Variants in OSBPL9 observed in about 807,000 individuals in gnomAD.
The protein encoded by OSBPL9 is oxysterol binding protein like 9.
OSBPL9 carries 40 observed loss-of-function variants against 106.6 expected under a neutral mutation model. The ratio of observed to expected loss-of-function variants is 0.38; its 90% CI spans 0.29 to 0.49. The LOEUF (loss-of-function observed/expected upper bound fraction) is 0.49, where lower values mean the gene tolerates loss of function less well. OSBPL9 is among the 20% of genes least tolerant of loss of function. OSBPL9 has a pLI of 0.97. For missense variants in OSBPL9, 609 were observed against 887.2 expected (o/e 0.69, Z 3.98); for synonymous variants, 269 against 295.4 (o/e 0.91, Z 0.92).
chr1:51,541,739 A>G, the OSBPL9 span, among the ~76,000 whole-genome samples: 1 of 152,198 alleles, frequency 6.6e-6, no homozygotes, highest in Non-Finnish European at 1.5e-5. Context: ...AGCAGAAGCA[A>G]CAAATAGTTA....
chr1:51,583,047 C>G (rs1330842555), intron 1 of OSBPL9: 1 of 151,832 alleles, frequency 6.6e-6, no homozygotes, highest in African/African-American at 2.4e-5. Flanking sequence ...TGAGATCGCA[C>G]CACTGCACTC....
chr1:51,558,834 G>T, the OSBPL9 span, among the ~76,000 whole-genome samples: 2 of 152,286 alleles, frequency 1.3e-5, no homozygotes, highest in South Asian at 4.1e-4. Flanking sequence ...CCCATTGGGT[G>T]ATGACATTAT....
At chr1:51,724,165 C>T (rs1662669372) in intron 4 of OSBPL9, among the ~76,000 whole-genome samples, 1 of 152,164 alleles carries the variant, frequency 6.6e-6, no homozygotes, top group Non-Finnish European at 1.5e-5. Context: ...AGGCTGGTCT[C>T]AAACTCCTGA....
intron 7 of OSBPL9, 90 bp from the exon 8 acceptor site, chr1:51,750,055 C>A (rs1030018276): frequency 1.0e-5 from 9 of 901,918 alleles, no homozygotes; most frequent in Non-Finnish European, 1.4e-5. Flanking sequence ...AAACTCTATA[C>A]ATCTGAACTG....
intron 1 of OSBPL9, chr1:51,583,793 G>A (rs1470378492): frequency 1.3e-5 from 2 of 152,174 alleles, no homozygotes; most frequent in Non-Finnish European, 2.9e-5. Flanking sequence ...GTCTCAGAAC[G>A]TCTCTTTGGC....
At chr1:51,636,152 GTTTTTTTTTTTTTTTTT>G (rs35303378) in intron 1 of OSBPL9, among the ~76,000 whole-genome samples, 1 of 64,116 alleles carries the variant, frequency 1.6e-5, no homozygotes, top group African/African-American at 5.9e-5. Context: ...TCTCTCTCTT[GTTTTTTTTTTTTTTTTT>G]TTTTTTTTTG....
intron 15 of OSBPL9, among the ~76,000 whole-genome samples, chr1:51,778,449 TGCAAAA>T (rs1333786674): frequency 6.6e-6 from 1 of 152,142 alleles, no homozygotes; most frequent in Admixed American, 6.5e-5. Flanking sequence ...TGAGATACTA[TGCAAAA>T]CACTAAACAT....
intron 4 of OSBPL9, among the ~76,000 whole-genome samples, chr1:51,714,472 CG>C (rs1415532102): frequency 1.3e-5 from 2 of 152,044 alleles, no homozygotes; most frequent in East Asian, 3.8e-4. Flanking sequence ...TGGCTATTAC[CG>C]TATGTGTCAG....
intron 1 of OSBPL9, among the ~76,000 whole-genome samples, chr1:51,618,651 G>C (rs1644235578): frequency 6.6e-6 from 1 of 152,200 alleles, no homozygotes; most frequent in East Asian, 1.9e-4. Context: ...CAGTAAAAAA[G>C]ACATTCACTG....
chr1:51,662,741 A>ATT (rs758385465), intron 2 of OSBPL9, among the ~76,000 whole-genome samples: 59 of 143,310 alleles, frequency 4.1e-4, no homozygotes, highest in African/African-American at 1.4e-3. Flanking sequence ...AAAATCAACG[A>ATT]ATTTTTTTTT....
chr1:51,529,050 C>CTTAAGATTG, the OSBPL9 span, among the ~76,000 whole-genome samples: 1 of 152,130 alleles, frequency 6.6e-6, no homozygotes, highest in Non-Finnish European at 1.5e-5. Context: ...AATTGGAAGA[C>CTTAAGATTG]TTAAGATTGT....
intron 4 of OSBPL9, among the ~76,000 whole-genome samples, chr1:51,736,369 A>G (rs1334748985): frequency 6.6e-6 from 1 of 152,170 alleles, no homozygotes; most frequent in Admixed American, 6.5e-5. Flanking sequence ...TGTCAGAACA[A>G]TTGTTGAGTC....
intron 1 of OSBPL9, among the ~76,000 whole-genome samples, chr1:51,622,031 T>C (rs1348055736): frequency 6.6e-6 from 1 of 152,158 alleles, no homozygotes; most frequent in African/African-American, 2.4e-5. Context: ...TTTTTTTTTA[T>C]TTTAAAGAAT....
chr1:51,557,732 T>A, the OSBPL9 span, among the ~76,000 whole-genome samples: 2 of 152,318 alleles, frequency 1.3e-5, no homozygotes, highest in East Asian at 3.9e-4. Context: ...AGTGTTCTCA[T>A]CAGTAAAATG....
chr1:51,643,503 G>A (rs1557628889), intron 1 of OSBPL9, among the ~76,000 whole-genome samples: 1 of 152,252 alleles, frequency 6.6e-6, no homozygotes, highest in South Asian at 2.1e-4. Flanking sequence ...GTGATTGGCT[G>A]GTTCAGGGAA....
chr1:51,760,859 T>C, intron 10 of OSBPL9, 79 bp downstream of exon 10: 1 of 1,440,834 alleles, frequency 6.9e-7, no homozygotes. Flanking sequence ...TCTTAGCTAT[T>C]ACTGTTTATT....
chr1:51,679,257 G>T (rs11205878), intron 3 of OSBPL9, among the ~76,000 whole-genome samples: 7,597 of 152,162 alleles, frequency 0.05, 432 homozygotes, highest in African/African-American at 0.14. Context: ...TAACTAATTA[G>T]GGACTGTTTG....
chr1:51,698,844 T>C (rs981283471), intron 3 of OSBPL9, among the ~76,000 whole-genome samples: 1 of 152,206 alleles, frequency 6.6e-6, no homozygotes, highest in African/African-American at 2.4e-5. Context: ...TGGTTTTGAA[T>C]TGTGTATATC....
upstream of OSBPL9, among the ~76,000 whole-genome samples, chr1:51,613,617 A>T (rs1176027478): frequency 1.3e-5 from 2 of 152,222 alleles, no homozygotes; most frequent in African/African-American, 4.8e-5. Context: ...TAAGAAAAAA[A>T]ATATCCAAAA....
Sources: allele counts gnomAD v4.1 joint callset (sites outside exome capture counted in the v4.1 genomes callset), GRCh38; gene constraint gnomAD v4.1.1; transcripts MANE v1.5; gene names NCBI Gene and HGNC (gene_info 2026-07-23, HGNC 2026-07-21).